Variants in CUEDC1 observed in about 807,000 individuals in gnomAD.
The protein encoded by CUEDC1 is CUE domain containing 1.
CUEDC1 carries 30 observed loss-of-function variants against 43.7 expected under a neutral mutation model. That is an observed-to-expected ratio of 0.69 (90% CI 0.51 to 0.93). CUEDC1 has a LOEUF of 0.93. Among genes scored for constraint, CUEDC1 ranks in the 40% least tolerant of loss-of-function variants. CUEDC1 has a pLI of 0.00. For missense variants in CUEDC1, 486 were observed against 549.0 expected (o/e 0.89, Z 1.15); for synonymous variants, 223 against 223.6 (o/e 1.00, Z 0.02).
intron 1 of CUEDC1, among the ~76,000 whole-genome samples, chr17:57,902,570 C>T (rs772829597): frequency 4.6e-5 from 7 of 152,184 alleles, no homozygotes; most frequent in Non-Finnish European, 7.4e-5. Flanking sequence ...GGATGAAAAC[C>T]CAGCTTCCAC....
intron 2 of CUEDC1, among the ~76,000 whole-genome samples, chr17:57,881,543 C>A (rs112012392): frequency 5.7e-4 from 87 of 152,316 alleles, no homozygotes; most frequent in Middle Eastern, 3.4e-3. Context: ...TTTCCCAGAC[C>A]CCTCTTCTCT....
intron 1 of CUEDC1, among the ~76,000 whole-genome samples, chr17:57,949,380 T>C (rs1394701227): frequency 4.6e-5 from 7 of 151,732 alleles, no homozygotes; most frequent in Admixed American, 3.9e-4. Flanking sequence ...CCCAGCAGAG[T>C]ATCTGGCACT....
In CUEDC1 at chr17:57,895,460, G is replaced by A. The variant is rs1183716979; in HGVS notation, c.-315-9581C>T. ...TATAAGGGATGGTGCTTATGTCCAG[G>A]AAGCAAAGGAGAAGACAAAACAGTG... On this transcript the variant is annotated intron_variant, in intron 1 of 10. Transcript: ENST00000577830. 2.6e-5 allele frequency among the ~76,000 whole-genome samples: 4 copies of A among 152,220 alleles called. No individual in the cohort carries two copies. In the East Asian group the frequency reaches 7.7e-4, roughly 29 times the overall value.
intron 1 of CUEDC1, among the ~76,000 whole-genome samples, chr17:57,951,623 T>C (rs2143253120): frequency 6.6e-6 from 1 of 152,186 alleles, no homozygotes; most frequent in South Asian, 2.1e-4. Context: ...CATGCCCGGC[T>C]AATTTTTTGT....
chr17:57,901,770 C>A (rs535339726), intron 1 of CUEDC1, among the ~76,000 whole-genome samples: 9 of 152,358 alleles, frequency 5.9e-5, no homozygotes, highest in Non-Finnish European at 1.3e-4. Context: ...TTTAATTAGA[C>A]TTAAGGGATA....
intron 1 of CUEDC1, among the ~76,000 whole-genome samples, chr17:57,929,354 C>A (rs1279010126): frequency 1.3e-5 from 2 of 152,150 alleles, no homozygotes; most frequent in Non-Finnish European, 2.9e-5. Flanking sequence ...AGTGACAGTG[C>A]CAGGATTCAA....
At chr17:57,896,767 C>CTTTTTT (rs747788787) in intron 1 of CUEDC1, among the ~76,000 whole-genome samples, 144 of 112,216 alleles carry the variant, frequency 1.3e-3, no homozygotes, top group Non-Finnish European at 1.5e-3. Context: ...TTTCTTCTTT[C>CTTTTTT]TTTTTTTTTT....
In CUEDC1 at chr17:57,886,731, C is replaced by T. The variant is rs183444865; in HGVS notation, c.-315-852G>A. On this transcript the variant is annotated intron_variant, in intron 1 of 10. Coordinates refer to ENST00000577830, the MANE Select transcript of CUEDC1 (RefSeq NM_001271875.2). ...CAGACACGTTTGTTCTTATGGAACA[C>T]TCAGTGTCCTTACATATTTTTAAAA... 4.8e-3 allele frequency among the ~76,000 whole-genome samples: 738 copies of T among 152,194 alleles called. 7 individuals carry two copies. Among genetic ancestry groups the T allele is most frequent in the South Asian group, 0.012 (60 of 4,826 alleles).
At chr17:57,911,647 C>T (rs2074584546) in intron 1 of CUEDC1, among the ~76,000 whole-genome samples, 2 of 152,138 alleles carry the variant, frequency 1.3e-5, no homozygotes, top group South Asian at 2.1e-4. Context: ...GGATTACAGG[C>T]GTGCGCCACC....
intron 1 of CUEDC1, among the ~76,000 whole-genome samples, chr17:57,912,931 C>T (rs2074599840): frequency 6.6e-6 from 1 of 152,170 alleles, no homozygotes; most frequent in South Asian, 2.1e-4. Flanking sequence ...TAGCCTCAAC[C>T]TCCTGGGCTC....
intron 3 of CUEDC1, among the ~76,000 whole-genome samples, chr17:57,878,483 A>G (rs761828231): frequency 3.3e-5 from 5 of 151,960 alleles, no homozygotes; most frequent in Non-Finnish European, 7.4e-5. Context: ...GCCCTGTCCC[A>G]TCATCTCCCC....
chr17:57,952,822 T>A (rs2143258376), intron 1 of CUEDC1, among the ~76,000 whole-genome samples: 1 of 152,242 alleles, frequency 6.6e-6, no homozygotes, highest in Non-Finnish European at 1.5e-5. Flanking sequence ...CCTAAGGAAG[T>A]CTTCTCAGTC....
intron 1 of CUEDC1, among the ~76,000 whole-genome samples, chr17:57,893,357 G>GTA (rs1332381282): frequency 6.6e-6 from 1 of 151,792 alleles, no homozygotes; most frequent in East Asian, 1.9e-4. Context: ...GTATGTGTGT[G>GTA]TGTGTGTGTG....
At chr17:57,870,078 T>A (rs1274689837) in intron 6 of CUEDC1, 1 of 152,618 alleles carries the variant, frequency 6.6e-6, no homozygotes, top group African/African-American at 2.4e-5. Context: ...CAAGCTGGGA[T>A]CAGCTCAGCT....
intron 1 of CUEDC1, among the ~76,000 whole-genome samples, chr17:57,914,495 A>G (rs1011971391): frequency 4.6e-5 from 7 of 152,112 alleles, no homozygotes; most frequent in African/African-American, 1.7e-4. Context: ...GGAGCAATAT[A>G]TCTCGGCAGG....
intron 1 of CUEDC1, among the ~76,000 whole-genome samples, chr17:57,941,581 G>A (rs2074917585): frequency 6.6e-6 from 1 of 152,166 alleles, no homozygotes; most frequent in Admixed American, 6.6e-5. Flanking sequence ...AACAGCAAAG[G>A]GAAGTTACTA....
intron 1 of CUEDC1, among the ~76,000 whole-genome samples, chr17:57,949,769 G>T (rs531167229): frequency 5.9e-4 from 89 of 151,662 alleles, no homozygotes; most frequent in Non-Finnish European, 1.1e-3. Flanking sequence ...TCACCATGTT[G>T]CCCAGGCTGG....
At chr17:57,899,725 T>C (rs574528745) in intron 1 of CUEDC1, among the ~76,000 whole-genome samples, 18 of 152,242 alleles carry the variant, frequency 1.2e-4, no homozygotes, top group Middle Eastern at 6.8e-3. Context: ...GACAACACTT[T>C]AGGATTTTTT....
chr17:57,921,262 C>T (rs1395708504), intron 1 of CUEDC1, among the ~76,000 whole-genome samples: 2 of 152,234 alleles, frequency 1.3e-5, no homozygotes, highest in South Asian at 2.1e-4. Flanking sequence ...AACCCCCTTC[C>T]CCTCTCAGGG....
Sources: gnomAD v4.1 joint callset for allele counts (sites outside exome capture counted in the v4.1 genomes callset) on GRCh38, gnomAD v4.1.1 for gene constraint, MANE v1.5 for transcripts, NCBI Gene and HGNC (gene_info 2026-07-23, HGNC 2026-07-21) for gene names.